The following TAF4B variants were observed in gnomAD, a reference collection of about 807,000 sequenced individuals.
TAF4B encodes transcription initiation factor TFIID subunit 4B.
In TAF4B, 38 loss-of-function variants were observed where a neutral mutation model predicts 86.4. The ratio of observed to expected loss-of-function variants is 0.44; its 90% CI spans 0.34 to 0.58. The LOEUF is 0.58. Ranked by LOEUF, TAF4B falls within the 20% of genes least tolerant of loss-of-function variation. The pLI, the probability that TAF4B is intolerant of heterozygous loss-of-function variation, is 0.02. For missense variants in TAF4B, 988 were observed against 1,027.6 expected (o/e 0.96, Z 0.53); for synonymous variants, 388 against 391.2 (o/e 0.99, Z 0.10).
In TAF4B at chr18:26,257,842, C is replaced by CATGTGTGT. The variant is rs1051472058; in HGVS notation, c.344-7328_344-7327insATGTGTGT. ...TTCATTTCTGGCTTTCCTCTGCGTGCGTGTGTGTGTGTGTGTGTGTGTGTG... is the reference window on the plus strand; with the variant it reads ...TTCATTTCTGGCTTTCCTCTGCGTGCATGTGTGTGTGTGTGTGTGTGTGTGTGTGTGTG... On this transcript the variant is annotated intron_variant, in intron 1 of 14. Coordinates refer to ENST00000269142, the MANE Select transcript of TAF4B (RefSeq NM_005640.3). Among the ~76,000 whole-genome samples the CATGTGTGT allele has an allele frequency of 2.1e-5, 3 of 141,530 alleles. 1 individual carries two copies. The South Asian group carries it at 7.2e-4, about 34-fold the overall frequency. The allele number at this position is 141,530 out of a possible 152,430, so 92.8% of individuals were successfully genotyped here. A position where few individuals can be genotyped will look rare whatever the true frequency, so the allele number is the denominator to read the frequency against.
intron 1 of TAF4B, among the ~76,000 whole-genome samples, chr18:26,261,075 G>T (rs2056158098): frequency 6.6e-6 from 1 of 151,566 alleles, no homozygotes; most frequent in Admixed American, 6.6e-5. Flanking sequence ...TTTAAAAAAG[G>T]TCTGGCTAGA....
chr18:26,349,400 C>A lies in TAF4B; in HGVS notation c.2317-8290C>A, dbSNP rs980444387. Among the ~76,000 whole-genome samples, 9 of 152,028 alleles carry A rather than the reference C, an allele frequency of 5.9e-5. No individual in the cohort carries two copies. The South Asian group carries it at 1.7e-3, about 28-fold the overall frequency. On this transcript the variant is annotated intron_variant, in intron 13 of 14. Transcript: ENST00000269142. ...TAGTATTCCTTACCTAATGAACTAG[C>A]TGAAAAAACAAAATCAAGAAGGCAA... is the stretch of plus-strand genomic sequence containing the variant.
intron 1 of TAF4B, among the ~76,000 whole-genome samples, chr18:26,229,026 A>G (rs1320973427): frequency 1.3e-5 from 2 of 152,154 alleles, no homozygotes; most frequent in Admixed American, 6.5e-5. Context: ...TATTCTTTCC[A>G]CAACGCTATG....
intron 1 of TAF4B, among the ~76,000 whole-genome samples, chr18:26,251,679 CAG>C (rs1363057793): frequency 6.6e-6 from 1 of 152,290 alleles, no homozygotes; most frequent in African/African-American, 2.4e-5. Context: ...AAGTGAGTCT[CAG>C]ATACTTATCA....
At chr18:26,259,782 C>G (rs1213623109) in intron 1 of TAF4B, among the ~76,000 whole-genome samples, 1 of 152,166 alleles carries the variant, frequency 6.6e-6, no homozygotes, top group Non-Finnish European at 1.5e-5. Flanking sequence ...GATTTATAAT[C>G]CTTTGGGTAT....
intron 14 of TAF4B, among the ~76,000 whole-genome samples, chr18:26,377,982 A>G (rs1178804253): frequency 6.6e-6 from 1 of 152,224 alleles, no homozygotes; most frequent in Non-Finnish European, 1.5e-5. Flanking sequence ...TGGAAATAAA[A>G]TGGCAAGCTA....
chr18:26,286,501 T>G lies in TAF4B; in HGVS notation c.1590+2T>G. 6.3e-7 allele frequency: 1 copy of G among 1,586,518 alleles called. No homozygotes were observed. The highest frequency in any genetic ancestry group is 8.5e-7 in the Non-Finnish European group (1 of 1,171,302). The stretch of plus-strand genomic sequence containing the variant: ...CAGGCAGTTCAAGTCAAGCAACTAG[T>G]GAGTAACATTTTGTTTCTTCCCCAG... On this transcript the variant is annotated splice_donor_variant, in intron 7 of 14. Coordinates refer to ENST00000269142, the MANE Select transcript of TAF4B (RefSeq NM_005640.3). LOFTEE classifies it high-confidence loss of function.
chr18:26,325,394 A>G (rs1367961066), intron 11 of TAF4B, among the ~76,000 whole-genome samples: 1 of 152,180 alleles, frequency 6.6e-6, no homozygotes, highest in East Asian at 1.9e-4. Context: ...GGTGCATGAA[A>G]TCTTCAGTTA....
At chr18:26,312,386 A>G (rs2056862110) in intron 9 of TAF4B, among the ~76,000 whole-genome samples, 1 of 152,042 alleles carries the variant, frequency 6.6e-6, no homozygotes, top group African/African-American at 2.4e-5. Context: ...TTTCCTCAGT[A>G]GGGGTCCTCC....
At chr18:26,334,015 G>GTA (rs897849699) in intron 12 of TAF4B, among the ~76,000 whole-genome samples, 39 of 151,232 alleles carry the variant, frequency 2.6e-4, no homozygotes, top group African/African-American at 8.0e-4. Context: ...ACATATATAT[G>GTA]TATATATATA....
Position 26,315,095 on chromosome 18 carries a change from A to ACTAACTCTCTCT in TAF4B, c.1833-132_1833-131insAACTCTCTCTCT, listed in dbSNP as rs2056888477. 8 of 220,334 alleles carry ACTAACTCTCTCT rather than the reference A, an allele frequency of 3.6e-5. No homozygotes were observed. In the East Asian group the frequency reaches 7.6e-4, roughly 21 times the overall value. 13.6% of individuals were successfully genotyped at this position (220,334 alleles called of 1,614,324 possible). On this transcript the variant is annotated intron_variant, in intron 9 of 14. Coordinates refer to ENST00000269142, the MANE Select transcript of TAF4B (RefSeq NM_005640.3). ...ACCTCTAATTCTTTTGCTCTCTGAA[A>ACTAACTCTCTCT]CTCTCTCTCTCTCTCTCTCTCTCTC...
chr18:26,309,097 T>G (rs541943506), intron 9 of TAF4B, among the ~76,000 whole-genome samples: 18 of 151,888 alleles, frequency 1.2e-4, no homozygotes, highest in African/African-American at 2.9e-4. Context: ...TGGCAGGAAC[T>G]TGTATTTTAA....
chr18:26,304,777 T>G, intron 9 of TAF4B: 1 of 985,388 alleles, frequency 1.0e-6, no homozygotes, highest in Non-Finnish European at 1.2e-6. Flanking sequence ...ACAGGTCCTG[T>G]GAACCAAACA....
chr18:26,257,062 A>G (rs922356001), intron 1 of TAF4B, among the ~76,000 whole-genome samples: 8 of 152,240 alleles, frequency 5.3e-5, no homozygotes, highest in African/African-American at 1.7e-4. Flanking sequence ...TAAGAATGCT[A>G]TTGTTGTTAG....
chr18:26,247,389 A>G (rs1018787539), intron 1 of TAF4B, among the ~76,000 whole-genome samples: 2 of 152,208 alleles, frequency 1.3e-5, no homozygotes, highest in Non-Finnish European at 2.9e-5. Context: ...CTATTTAGCT[A>G]ACATGTATGA....
chr18:26,243,681 C>T (rs927180027), intron 1 of TAF4B, among the ~76,000 whole-genome samples: 1 of 152,200 alleles, frequency 6.6e-6, no homozygotes, highest in African/African-American at 2.4e-5. Flanking sequence ...TTAGAATTTT[C>T]AGCTTTTCTG....
At chr18:26,286,620 A>ATTT in intron 7 of TAF4B, 121 bp downstream of exon 7, 11 of 789,206 alleles carry the variant, frequency 1.4e-5, no homozygotes, top group Admixed American at 3.6e-5. Context: ...TGACCAATTA[A>ATTT]TTTTTTTTTT....
At chr18:26,372,401 T>C (rs2057411650) in intron 14 of TAF4B, among the ~76,000 whole-genome samples, 1 of 152,234 alleles carries the variant, frequency 6.6e-6, no homozygotes, top group Non-Finnish European at 1.5e-5. Flanking sequence ...GATGTGCTTT[T>C]GTTGCTGGAG....
At chr18:26,285,210 C>CTTTTTTTTTTTTTTTTTTTTTTTTTTTT (rs113394710) in intron 6 of TAF4B, among the ~76,000 whole-genome samples, 23 of 42,518 alleles carry the variant, frequency 5.4e-4, no homozygotes, top group East Asian at 9.7e-4. Flanking sequence ...TCTTCCTTTC[C>CTTTTTTTTTTTTTTTTTTTTTTTTTTTT]TTTTTTTTTT....
Sources: gnomAD v4.1 joint callset for allele counts (sites outside exome capture counted in the v4.1 genomes callset) on GRCh38, gnomAD v4.1.1 for gene constraint, MANE v1.5 for transcripts, NCBI Gene and HGNC (gene_info 2026-07-23, HGNC 2026-07-21) for gene names.